AFF1: variants seen among roughly 807,000 people sequenced by gnomAD.
AFF1 encodes the protein AF4/FMR2 family member 1.
Under a neutral mutation model 121.7 loss-of-function variants are expected in AFF1, and 48 were observed. The observed-to-expected ratio is 0.39, with a 90% confidence interval of 0.31 to 0.50. AFF1 has a LOEUF of 0.50. Ranked by LOEUF, AFF1 falls within the 20% of genes least tolerant of loss-of-function variation. The probability of loss-of-function intolerance (pLI) is 0.76; values close to 1 mark genes in which losing one functional copy is unlikely to be tolerated. For synonymous variants in AFF1, 613 were observed against 563.0 expected (o/e 1.09, Z -1.26); for missense variants, 1,523 against 1,511.7 (o/e 1.01, Z -0.12).
intron 2 of AFF1, among the ~76,000 whole-genome samples, chr4:86,963,953 G>T (rs1294314195): frequency 5.0e-5 from 7 of 138,906 alleles, no homozygotes; most frequent in African/African-American, 8.4e-5. Context: ...GAGTCACCAT[G>T]ACTAGACTGG....
chr4:86,966,590 GAA>G (rs33920945), intron 2 of AFF1, among the ~76,000 whole-genome samples: 9,372 of 148,802 alleles, frequency 0.063, 941 homozygotes, highest in African/African-American at 0.22. Context: ...TGGCTCACAG[GAA>G]AAAAAAAAAA....
chr4:87,020,544 G>T, intron 2 of AFF1, among the ~76,000 whole-genome samples: 1 of 152,140 alleles, frequency 6.6e-6, no homozygotes, highest in Admixed American at 6.5e-5. Flanking sequence ...GAGTGCAGTG[G>T]CGCAATTTCG....
chr4:87,113,049 C>G (rs1339738768), intron 11 of AFF1, among the ~76,000 whole-genome samples: 9 of 152,166 alleles, frequency 5.9e-5, no homozygotes, highest in Admixed American at 5.9e-4. Flanking sequence ...ACACAAGAGT[C>G]TCCGTCATTC....
chr4:87,039,019 C>T (rs556040701), intron 2 of AFF1, among the ~76,000 whole-genome samples: 59 of 152,292 alleles, frequency 3.9e-4, no homozygotes, highest in African/African-American at 1.4e-3. Flanking sequence ...GAATGGCATT[C>T]AGCAATCCCG....
At position 87,125,102 on chromosome 4, in the gene AFF1, A is replaced by C; in HGVS notation, c.2532A>C (p.Ser844=). ...IRLEKEIKSQ[S]SSSSSSHKES... is the part of the protein sequence containing the mutation. ...TGGAGAAGGAAATCAAATCACAGTC[A>C]TCTTCATCTTCATCCTCCCACAAAG... The change falls in exon 13 of 21, where the codon TCA becomes TCC. Residue 844 remains serine (S), a synonymous_variant. Coordinates refer to ENST00000395146, the MANE Select transcript of AFF1 (RefSeq NM_001166693.3). 1 of 1,609,866 alleles carries C rather than the reference A, an allele frequency of 6.2e-7. No individual in the cohort carries two copies. The highest frequency in any genetic ancestry group is 8.5e-7 in the Non-Finnish European group (1 of 1,177,402).
At chr4:86,949,538 T>TTATTTA (rs545592507) in intron 2 of AFF1, 5 of 106,844 alleles carry the variant, frequency 4.7e-5, no homozygotes, top group East Asian at 3.8e-4. Context: ...ATTATTATTA[T>TTATTTA]TTTTTTTTTT....
chr4:87,132,481 ATT>A (rs1728926376), intron 19 of AFF1, 73 bp downstream of exon 19: 2 of 1,472,892 alleles, frequency 1.4e-6, no homozygotes, highest in Non-Finnish European at 1.8e-6. Flanking sequence ...TTTTGCAACC[ATT>A]TGTATGCTTA....
intron 12 of AFF1, among the ~76,000 whole-genome samples, chr4:87,120,543 G>T (rs1727581727): frequency 6.6e-6 from 1 of 152,186 alleles, no homozygotes; most frequent in East Asian, 1.9e-4. Flanking sequence ...TCCCAGTCCC[G>T]TGAGCTTTCC....
intron 2 of AFF1, among the ~76,000 whole-genome samples, chr4:87,025,221 C>T (rs924889686): frequency 3.3e-5 from 5 of 152,226 alleles, no homozygotes; most frequent in Non-Finnish European, 7.3e-5. Context: ...TGGACTCCAG[C>T]TGTGTATATT....
intron 11 of AFF1, among the ~76,000 whole-genome samples, 177 bp downstream of exon 11, chr4:87,108,492 C>CTTT (rs1726152223): frequency 6.6e-6 from 1 of 152,034 alleles, no homozygotes; most frequent in African/African-American, 2.4e-5. Context: ...TTGCTTCTTA[C>CTTT]CAAATATTTA....
At chr4:87,014,437 T>C (rs1338144873) in intron 2 of AFF1, among the ~76,000 whole-genome samples, 1 of 152,258 alleles carries the variant, frequency 6.6e-6, no homozygotes, top group Non-Finnish European at 1.5e-5. Context: ...CTAGGGGTAC[T>C]GCTGAACAAA....
chr4:87,004,196 A>G (rs150217522), intron 2 of AFF1, among the ~76,000 whole-genome samples: 32 of 152,306 alleles, frequency 2.1e-4, no homozygotes, highest in African/African-American at 7.5e-4. Context: ...AAGAGGTTAC[A>G]TGGAATAGCT....
intron 8 of AFF1, among the ~76,000 whole-genome samples, chr4:87,100,874 A>T (rs1725365824): frequency 6.6e-6 from 1 of 152,052 alleles, no homozygotes; most frequent in Admixed American, 6.5e-5. Flanking sequence ...CCTCATTTAC[A>T]CTCTTGTGAT....
chr4:86,944,294 T>C (rs1359344728), intron 1 of AFF1, among the ~76,000 whole-genome samples: 1 of 152,120 alleles, frequency 6.6e-6, no homozygotes, highest in Non-Finnish European at 1.5e-5. Context: ...ACAAACATTA[T>C]GTCCCCGACG....
At chr4:87,046,324 TC>T (rs1203970148) in intron 3 of AFF1, 38 bp downstream of exon 3, 7 of 1,602,728 alleles carry the variant, frequency 4.4e-6, no homozygotes, top group Non-Finnish European at 6.0e-6. Flanking sequence ...TCCTGATTTA[TC>T]ACAATGTTGA....
chr4:86,949,537 A>ATT (rs754229542), intron 2 of AFF1: 5 of 248,404 alleles, frequency 2.0e-5, no homozygotes, highest in Admixed American at 1.3e-4. Flanking sequence ...TATTATTATT[A>ATT]TTTTTTTTTT....
chr4:87,073,156 TA>T (rs1196849015), intron 4 of AFF1, among the ~76,000 whole-genome samples: 1 of 151,716 alleles, frequency 6.6e-6, no homozygotes, highest in Non-Finnish European at 1.5e-5. Context: ...TAGGCTTAAA[TA>T]AATGATGTAT....
At chr4:87,105,200 G>A (rs1725790146) in intron 8 of AFF1, among the ~76,000 whole-genome samples, 1 of 152,170 alleles carries the variant, frequency 6.6e-6, no homozygotes, top group South Asian at 2.1e-4. Context: ...CTTTAGTTCA[G>A]TTAGAGCTTA....
chr4:87,010,251 T>C (rs1239282890), intron 2 of AFF1, among the ~76,000 whole-genome samples: 1 of 152,226 alleles, frequency 6.6e-6, no homozygotes, highest in Non-Finnish European at 1.5e-5. Context: ...ATTTCTTGAC[T>C]AAAATGCAAT....
Sources: gnomAD v4.1 joint callset for allele counts (sites outside exome capture counted in the v4.1 genomes callset) on GRCh38, gnomAD v4.1.1 for gene constraint, MANE v1.5 for transcripts, NCBI Gene and HGNC (gene_info 2026-07-23, HGNC 2026-07-21) for gene names.